The following DCHS2 variants were observed in gnomAD, a reference collection of about 807,000 sequenced individuals.
DCHS2 encodes dachsous cadherin-related 2, also known as protocadherin-23.
A neutral mutation model predicts 182.4 loss-of-function variants in DCHS2; 142 were observed. The observed-to-expected ratio is 0.78, with a 90% CI of 0.68 to 0.89. DCHS2 has a LOEUF of 0.89. Ranked by LOEUF, DCHS2 falls within the 40% of genes least tolerant of loss-of-function variation. DCHS2 has a pLI of 0.00. For missense variants in DCHS2, 4,319 were observed against 4,198.6 expected (o/e 1.03, Z -0.79); for synonymous variants, 1,740 against 1,663.3 (o/e 1.05, Z -1.12).
chr4:154,400,656 T>C (rs905309261), intron 1 of DCHS2, among the ~76,000 whole-genome samples: 7 of 152,230 alleles, frequency 4.6e-5, no homozygotes, highest in Non-Finnish European at 8.8e-5. Context: ...TGAGAATCTA[T>C]ATGCTGCTTC....
At position 154,302,976 on chromosome 4, in the gene DCHS2, CACACAT is replaced by C. The variant is rs1417315529; in HGVS notation, c.5605+1687_5605+1692del. ...ACACACACACACACACACCCACACA[CACACAT>C]ATTTTTTTTTTTTTTTGAGACAAAG... On this transcript the variant is annotated intron_variant, in intron 12 of 19. Transcript: ENST00000357232. 9.0e-3 allele frequency among the ~76,000 whole-genome samples: 974 copies of C among 108,210 alleles called. 23 individuals carry two copies. Among genetic ancestry groups the C allele is most frequent in the Non-Finnish European group, 1.0e-2 (563 of 56,524 alleles). The allele number at this position is 108,210 out of a possible 152,430, so 71.0% of individuals were successfully genotyped here.
rs1271075439 is a variant in DCHS2, at chr4:154,240,645, C to G, written c.7251G>C (p.Glu2417Asp). 20 of 1,613,940 alleles carry G rather than the reference C, an allele frequency of 1.2e-5. No homozygotes were observed. The highest frequency in any genetic ancestry group is 1.5e-5 in the Non-Finnish European group (18 of 1,179,916). ...TLDFEEMTEY[E>D]LLIQISDSVH... ...CTGAATCAGAAATTTGGATGAGCAG[C>G]TCATATTCAGTCATTTCTTCAAAAT... The change falls in exon 18 of 20, where the codon GAG becomes GAC. Residue 2417 changes from glutamate to aspartate, a missense_variant. Physicochemically the swap from Glu to Asp is conservative, Grantham distance 45 (BLOSUM62 2). Coordinates refer to ENST00000357232, the MANE Select transcript of DCHS2 (RefSeq NM_001358235.2).
chr4:154,283,683 A>G (rs2111241516), intron 13 of DCHS2, among the ~76,000 whole-genome samples: 1 of 152,318 alleles, frequency 6.6e-6, no homozygotes. Flanking sequence ...TGTTCCAACT[A>G]TATCTCTAAT....
At chr4:154,405,422 G>A (rs1468134056) in intron 1 of DCHS2, among the ~76,000 whole-genome samples, 1 of 150,578 alleles carries the variant, frequency 6.6e-6, no homozygotes, top group East Asian at 1.9e-4. Flanking sequence ...AAATTTGGGA[G>A]ATTATTAGCC....
chr4:154,431,281 A>G (rs1733548426), intron 1 of DCHS2, among the ~76,000 whole-genome samples: 1 of 152,188 alleles, frequency 6.6e-6, no homozygotes, highest in African/African-American at 2.4e-5. Flanking sequence ...GATCCTGTTT[A>G]CTGAAACAAG....
chr4:154,379,630 A>G (rs771983680), intron 1 of DCHS2, among the ~76,000 whole-genome samples: 1 of 152,212 alleles, frequency 6.6e-6, no homozygotes, highest in Non-Finnish European at 1.5e-5. Context: ...AGGCAAAAAT[A>G]AAAGACAATT....
rs980533768 is a variant in DCHS2 at position 154,267,140 on chromosome 4, G to C, written c.6577+2760C>G. 9.2e-5 allele frequency among the ~76,000 whole-genome samples: 14 copies of C among 152,192 alleles called. 1 individual carries two copies. Among genetic ancestry groups the C allele is most frequent in the Non-Finnish European group, 1.9e-4 (13 of 68,038 alleles). ...TGGCAGCTTTGATGAATGTTACTGCGACAGCAACAGTGAATGATTTCCAGC... is the reference window on the plus strand; with the variant it reads ...TGGCAGCTTTGATGAATGTTACTGCCACAGCAACAGTGAATGATTTCCAGC... On this transcript the variant is annotated intron_variant, in intron 14 of 19. Coordinates refer to ENST00000357232, the MANE Select transcript of DCHS2 (RefSeq NM_001358235.2).
In DCHS2 at chr4:154,478,847, CA is replaced by C. The variant is rs1735800855; in HGVS notation, c.2052+10456del. Among the ~76,000 whole-genome samples, 3 of 152,266 alleles carry C rather than the reference CA, an allele frequency of 2.0e-5. No individual in the cohort carries two copies. In the South Asian group the frequency reaches 6.2e-4, roughly 32 times the overall value. ...CAATCAAGTTGATTACCTGCTAAAA[CA>C]AAAACATCAACATTATTCAGAAGAA... On this transcript the variant is annotated intron_variant, in intron 1 of 19. Coordinates refer to ENST00000357232, the MANE Select transcript of DCHS2 (RefSeq NM_001358235.2).
At chr4:154,335,327 A>T (rs1420346591) in intron 3 of DCHS2, among the ~76,000 whole-genome samples, 1 of 152,202 alleles carries the variant, frequency 6.6e-6, no homozygotes, top group East Asian at 1.9e-4. Flanking sequence ...AAAGCAGATC[A>T]TCCTCCCTAA....
At chr4:154,386,697 T>C (rs538012183) in intron 1 of DCHS2, among the ~76,000 whole-genome samples, 2 of 152,290 alleles carry the variant, frequency 1.3e-5, no homozygotes, top group African/African-American at 2.4e-5. Flanking sequence ...CTAGTTCATA[T>C]TGAGGTGCTA....
At chr4:154,245,029 C>T (rs1168042171) in intron 16 of DCHS2, among the ~76,000 whole-genome samples, 2 of 152,088 alleles carry the variant, frequency 1.3e-5, no homozygotes, top group Non-Finnish European at 2.9e-5. Context: ...AGGCATCCTA[C>T]ATAATGCCTT....
intron 2 of DCHS2, among the ~76,000 whole-genome samples, chr4:154,371,094 T>C (rs190861007): frequency 1.3e-3 from 195 of 152,158 alleles, no homozygotes; most frequent in Non-Finnish European, 2.4e-3. Flanking sequence ...TGCTGGGTTG[T>C]TCAGCAAATG....
At chr4:154,437,893 T>G (rs1579082640) in intron 1 of DCHS2, among the ~76,000 whole-genome samples, 1 of 152,138 alleles carries the variant, frequency 6.6e-6, no homozygotes, top group Non-Finnish European at 1.5e-5. Context: ...ACCCCCTAAC[T>G]GGGCATGATG....
At chr4:154,338,457 T>C (rs1046568802) in intron 3 of DCHS2, among the ~76,000 whole-genome samples, 2 of 152,196 alleles carry the variant, frequency 1.3e-5, no homozygotes, top group Non-Finnish European at 2.9e-5. Flanking sequence ...TTAAAACCAC[T>C]ACCTCATTTT....
intron 13 of DCHS2, among the ~76,000 whole-genome samples, chr4:154,284,170 C>T (rs1734283283): frequency 6.6e-6 from 1 of 152,168 alleles, no homozygotes; most frequent in African/African-American, 2.4e-5. Context: ...ATGATTGTTG[C>T]AGCAGCTCTT....
chr4:154,396,598 G>A (rs996150134), intron 1 of DCHS2, among the ~76,000 whole-genome samples: 1 of 152,086 alleles, frequency 6.6e-6, no homozygotes, highest in African/African-American at 2.4e-5. Context: ...AGTTTCAACG[G>A]TGTCTCTAAC....
chr4:154,433,465 G>A (rs914871308), intron 1 of DCHS2, among the ~76,000 whole-genome samples: 4 of 128,666 alleles, frequency 3.1e-5, no homozygotes, highest in Non-Finnish European at 6.2e-5. Context: ...CGTGATCTCC[G>A]CTCACTGCAA....
chr4:154,252,147 A>G (rs2111142205), intron 16 of DCHS2, among the ~76,000 whole-genome samples: 1 of 152,264 alleles, frequency 6.6e-6, no homozygotes, highest in Non-Finnish European at 1.5e-5. Context: ...ATTGAAGAAT[A>G]TAATAGGAAA....
intron 1 of DCHS2, among the ~76,000 whole-genome samples, chr4:154,415,018 G>T (rs992147574): frequency 6.6e-6 from 1 of 152,242 alleles, no homozygotes; most frequent in East Asian, 1.9e-4. Flanking sequence ...ATGGCAAAAG[G>T]TTCACCCCTG....
Sources: allele counts gnomAD v4.1 joint callset (sites outside exome capture counted in the v4.1 genomes callset), GRCh38; gene constraint gnomAD v4.1.1; transcripts MANE v1.5; gene names NCBI Gene and HGNC (gene_info 2026-07-23, HGNC 2026-07-21).